PGRMC2: variants seen among roughly 807,000 people sequenced by gnomAD.
The protein encoded by PGRMC2 is membrane-associated progesterone receptor component 2.
Under a neutral mutation model 19.3 loss-of-function variants are expected in PGRMC2, and 9 were observed. That is an observed-to-expected ratio of 0.47 (90% CI 0.28 to 0.81). The LOEUF is 0.81. PGRMC2 is among the 40% of genes least tolerant of loss of function. The pLI is 0.11. For missense variants in PGRMC2, 289 were observed against 297.3 expected, an observed-to-expected ratio of 0.97 and a Z score of 0.21; for synonymous variants, 157 against 124.6, an observed-to-expected ratio of 1.26 and a Z score of -1.73.
Position 128,271,187 on chromosome 4 carries a change from T to C in PGRMC2, c.*129A>G. Reference sequence around the variant, plus strand: ...ATTCAAATCTTCATAGTGAGATTAATTTATCTTGTACACAATTTGTTGAAT... The same window carrying C: ...ATTCAAATCTTCATAGTGAGATTAACTTATCTTGTACACAATTTGTTGAAT... On this transcript the variant is annotated 3_prime_UTR_variant, in exon 3 of 3. Coordinates refer to ENST00000296425, the MANE Select transcript of PGRMC2 (RefSeq NM_006320.6). 1.9e-6 allele frequency: 1 copy of C among 517,778 alleles called. No individual in the cohort carries two copies. The highest frequency in any genetic ancestry group is 3.4e-5 in the South Asian group (1 of 29,078). 32.1% of individuals were successfully genotyped at this position (517,778 alleles called of 1,614,324 possible).
rs979481193 is a variant in PGRMC2 at position 128,270,267 on chromosome 4, C to T, written c.*1049G>A. The T allele has an allele frequency of 3.3e-5, 5 of 152,696 alleles. No homozygotes were observed. The highest frequency in any genetic ancestry group is 3.8e-4 in the East Asian group (2 of 5,196). 9.5% of individuals were successfully genotyped at this position (152,696 alleles called of 1,614,324 possible). A position where few individuals can be genotyped will look rare whatever the true frequency, so the allele number is the denominator to read the frequency against. On this transcript the variant is annotated 3_prime_UTR_variant, in exon 3 of 3. Transcript: ENST00000296425. ...GACACCCACTCCACAGCCCCATGCACCCACACCAGTGAGATGTGGAGGGTC... is the reference window on the plus strand; with the variant it reads ...GACACCCACTCCACAGCCCCATGCATCCACACCAGTGAGATGTGGAGGGTC...
At chr4:128,282,547 TAATAGA>T (rs1760923977) in intron 1 of PGRMC2, among the ~76,000 whole-genome samples, 1 of 152,204 alleles carries the variant, frequency 6.6e-6, no homozygotes, top group Non-Finnish European at 1.5e-5. Context: ...TAAGTAGTTA[TAATAGA>T]AATAACTAGT....
intron 1 of PGRMC2, among the ~76,000 whole-genome samples, chr4:128,284,198 A>G (rs570685536): frequency 6.6e-6 from 1 of 152,304 alleles, no homozygotes; most frequent in East Asian, 1.9e-4. Flanking sequence ...AAGATTCTCT[A>G]CAAGTTTATC....
At position 128,283,151 on chromosome 4, in the gene PGRMC2, G is replaced by A. The variant is rs562557717; in HGVS notation, c.418+4222C>T. ...CATTGCAGTAATATTAAATAAAATT[G>A]TTAAAAATTATACTAGCTGTTTGAG... On this transcript the variant is annotated intron_variant, in intron 1 of 2. Transcript: ENST00000296425. Among the ~76,000 whole-genome samples, 3 of 152,256 alleles carry A rather than the reference G, an allele frequency of 2.0e-5. No homozygotes were observed. The South Asian group carries it at 6.2e-4, about 32-fold the overall frequency.
chr4:128,277,529 T>C (rs1435710899), intron 1 of PGRMC2, among the ~76,000 whole-genome samples: 3 of 152,194 alleles, frequency 2.0e-5, no homozygotes, highest in Non-Finnish European at 4.4e-5. Context: ...ATTCTCACAG[T>C]TTAAAAACCA....
At chr4:128,280,079 T>TA (rs936260382) in intron 1 of PGRMC2, among the ~76,000 whole-genome samples, 1 of 151,648 alleles carries the variant, frequency 6.6e-6, no homozygotes, top group Non-Finnish European at 1.5e-5. Context: ...ACTCCAAAAT[T>TA]AAAAAAAGTA....
In PGRMC2 at chr4:128,271,178, T is replaced by C; in HGVS notation, c.*138A>G. ...TGTCTAGTTATTCAAATCTTCATAG[T>C]GAGATTAATTTATCTTGTACACAAT... On this transcript the variant is annotated 3_prime_UTR_variant, in exon 3 of 3. Coordinates refer to ENST00000296425, the MANE Select transcript of PGRMC2 (RefSeq NM_006320.6). The C allele has an allele frequency of 2.0e-6, 1 of 503,650 alleles. No homozygotes were observed. The highest frequency in any genetic ancestry group is 3.6e-6 in the Non-Finnish European group (1 of 278,746). The allele number at this position is 503,650 out of a possible 1,614,324, so 31.2% of individuals were successfully genotyped here.
intron 1 of PGRMC2, among the ~76,000 whole-genome samples, chr4:128,285,694 G>T (rs916050977): frequency 6.6e-6 from 1 of 152,100 alleles, no homozygotes; most frequent in African/African-American, 2.4e-5. Context: ...ATACCAATGG[G>T]GGAAAAGCTT....
intron 1 of PGRMC2, among the ~76,000 whole-genome samples, chr4:128,285,316 A>T (rs1371191051): frequency 6.6e-6 from 1 of 152,086 alleles, no homozygotes; most frequent in African/African-American, 2.4e-5. Flanking sequence ...TTTAGTAGAG[A>T]CGAGGTTTTG....
intron 1 of PGRMC2, among the ~76,000 whole-genome samples, chr4:128,276,650 C>A (rs1760817729): frequency 6.6e-6 from 1 of 152,170 alleles, no homozygotes. Context: ...GGCTAGTTTA[C>A]ATGATCTGGT....
intron 1 of PGRMC2, among the ~76,000 whole-genome samples, chr4:128,285,020 C>T (rs1273362208): frequency 6.6e-6 from 1 of 152,160 alleles, no homozygotes. Flanking sequence ...TTCAACAGAA[C>T]CTAGGAACTG....
intron 1 of PGRMC2, among the ~76,000 whole-genome samples, chr4:128,285,380 C>T (rs148280114): frequency 2.9e-4 from 44 of 152,288 alleles, no homozygotes; most frequent in Admixed American, 1.7e-3. Flanking sequence ...CCACCCGCCT[C>T]GGCCTCCCAA....
intron 1 of PGRMC2, among the ~76,000 whole-genome samples, chr4:128,286,374 T>A (rs185765380): frequency 6.6e-6 from 1 of 152,246 alleles, no homozygotes; most frequent in Admixed American, 6.5e-5. Context: ...ATCCAAAATG[T>A]ATGCTACAAC....
intron 1 of PGRMC2, among the ~76,000 whole-genome samples, chr4:128,277,394 GT>G (rs1760829636): frequency 6.6e-6 from 1 of 152,150 alleles, no homozygotes; most frequent in Non-Finnish European, 1.5e-5. Flanking sequence ...ATTGTAAAAT[GT>G]TTTAAATATT....
At chr4:128,271,691 T>C (rs1164973081) in intron 2 of PGRMC2, among the ~76,000 whole-genome samples, 1 of 152,168 alleles carries the variant, frequency 6.6e-6, no homozygotes, top group Non-Finnish European at 1.5e-5. Flanking sequence ...TCAGAATCAC[T>C]TGGAGATCTT....
At position 128,269,470 on chromosome 4, in the gene PGRMC2, A is replaced by C. The variant is rs907503533; in HGVS notation, c.*1846T>G. 3 of 152,250 alleles carry C rather than the reference A, an allele frequency of 2.0e-5. No homozygotes were observed. The highest frequency in any genetic ancestry group is 4.4e-5 in the Non-Finnish European group (3 of 68,048). The allele number at this position is 152,250 out of a possible 1,614,324, so 9.4% of individuals were successfully genotyped here. ...TTTGTTTAGAAAATATTTTACATAA[A>C]AACACAAAGCATTTACCAACACTCC... is the stretch of plus-strand genomic sequence containing the variant. On this transcript the variant is annotated 3_prime_UTR_variant, in exon 3 of 3. Coordinates refer to ENST00000296425, the MANE Select transcript of PGRMC2 (RefSeq NM_006320.6).
chr4:128,281,607 C>A (rs1012338469), intron 1 of PGRMC2, among the ~76,000 whole-genome samples: 2 of 152,056 alleles, frequency 1.3e-5, no homozygotes, highest in South Asian at 2.1e-4. Context: ...TACCCGTAAT[C>A]ACAAAACATA....
At chr4:128,286,220 G>T (rs1356416179) in intron 1 of PGRMC2, among the ~76,000 whole-genome samples, 2 of 151,678 alleles carry the variant, frequency 1.3e-5, no homozygotes, top group Non-Finnish European at 1.5e-5. Context: ...GTCACTTTAG[G>T]TCTCTAATTT....
chr4:128,283,445 C>G (rs913083407), intron 1 of PGRMC2, among the ~76,000 whole-genome samples: 16 of 152,210 alleles, frequency 1.1e-4, no homozygotes, highest in Middle Eastern at 6.8e-3. Flanking sequence ...TAAGAGGTGC[C>G]TTGTTAGTGC....
Sources: allele counts gnomAD v4.1 joint callset (sites outside exome capture counted in the v4.1 genomes callset), GRCh38; gene constraint gnomAD v4.1.1; transcripts MANE v1.5; gene names NCBI Gene and HGNC (gene_info 2026-07-23, HGNC 2026-07-21).